Variants in NUP133 observed in about 807,000 individuals in gnomAD.
NUP133 encodes the protein nucleoporin 133, also known as nuclear pore complex protein Nup133.
A neutral mutation model predicts 146.2 loss-of-function variants in NUP133; 66 were observed. The observed-to-expected ratio is 0.45, with a 90% CI of 0.37 to 0.55. The LOEUF (loss-of-function observed/expected upper bound fraction) is 0.55. Among genes scored for constraint, NUP133 ranks in the 20% least tolerant of loss-of-function variants. The probability of loss-of-function intolerance (pLI) is 0.00; values close to 1 mark genes in which losing one functional copy is unlikely to be tolerated. For synonymous variants in NUP133, 521 were observed against 498.8 expected, an observed-to-expected ratio of 1.04 and a Z score of -0.59; for missense variants, 1,277 against 1,374.8, an observed-to-expected ratio of 0.93 and a Z score of 1.12.
In NUP133 at chr1:229,508,329, C is replaced by G. The variant is rs1662002507; in HGVS notation, c.-80G>C. The G allele has an allele frequency of 9.0e-7, 1 of 1,110,476 alleles. No individual in the cohort carries two copies. Among genetic ancestry groups the G allele is most frequent in the South Asian group, 2.1e-5 (1 of 46,600 alleles). The allele number at this position is 1,110,476 out of a possible 1,614,324, so 68.8% of individuals were successfully genotyped here. The stretch of plus-strand genomic sequence containing the variant: ...CTGGCCTGCGCGCGGAACTTAAACA[C>G]CTAAGGGAAGAGATGGCGCGCGATG... On this transcript the variant is annotated 5_prime_UTR_variant, in exon 1 of 26. Transcript: ENST00000261396.
chr1:229,463,248 A>C (rs547116616), intron 19 of NUP133, among the ~76,000 whole-genome samples: 2 of 152,236 alleles, frequency 1.3e-5, no homozygotes, highest in East Asian at 3.9e-4. Context: ...AAAATTAGCC[A>C]GGCATGGTGG....
chr1:229,503,335 A>G (rs567401853), intron 2 of NUP133, among the ~76,000 whole-genome samples: 262 of 152,320 alleles, frequency 1.7e-3, no homozygotes, highest in African/African-American at 6.2e-3. Context: ...TCGATAAAGT[A>G]AAACAAATAA....
chr1:229,505,357 A>G (rs573234438), intron 2 of NUP133, among the ~76,000 whole-genome samples: 2 of 152,194 alleles, frequency 1.3e-5, no homozygotes, highest in South Asian at 4.1e-4. Flanking sequence ...AAAGTTTATC[A>G]TAGGTGTGTA....
chr1:229,475,746 G>T lies in NUP133; in HGVS notation c.1757-14C>A, dbSNP rs762413908. Reference sequence around the variant, plus strand: ...ACCCAGGTGCTTCTGTTAAAACACAGTGATAAAACTTAGAACATAGTGGTT... The same window carrying T: ...ACCCAGGTGCTTCTGTTAAAACACATTGATAAAACTTAGAACATAGTGGTT... On this transcript the variant is annotated splice_polypyrimidine_tract_variant and intron_variant, in intron 13 of 25. Transcript: ENST00000261396. 15 of 1,585,356 alleles carry T rather than the reference G, an allele frequency of 9.5e-6. No homozygotes were observed. Among genetic ancestry groups the T allele is most frequent in the Admixed American group, 1.7e-5 (1 of 59,902 alleles).
chr1:229,452,058 G>A (rs938550500), intron 22 of NUP133, among the ~76,000 whole-genome samples: 2 of 152,214 alleles, frequency 1.3e-5, no homozygotes, highest in East Asian at 3.9e-4. Context: ...CTCTGGCAAA[G>A]AGATGCTTCT....
chr1:229,478,279 C>A (rs559590899), intron 12 of NUP133, among the ~76,000 whole-genome samples: 24 of 151,920 alleles, frequency 1.6e-4, no homozygotes, highest in African/African-American at 5.8e-4. Context: ...TTCATTAATT[C>A]AATAAATACA....
intron 21 of NUP133, among the ~76,000 whole-genome samples, chr1:229,457,786 A>T (rs1386885520): frequency 6.6e-6 from 1 of 152,224 alleles, no homozygotes; most frequent in Non-Finnish European, 1.5e-5. Context: ...TCTACAATAT[A>T]CACAAAATAG....
At chr1:229,478,106 T>A (rs761363812) in intron 12 of NUP133, among the ~76,000 whole-genome samples, 1 of 152,232 alleles carries the variant, frequency 6.6e-6, no homozygotes, top group South Asian at 2.1e-4. Flanking sequence ...AAATATCTCA[T>A]GTACCCCACA....
At position 229,490,015 on chromosome 1, in the gene NUP133, A is replaced by T. The variant is rs748175684; in HGVS notation, c.1134T>A (p.Asn378Lys). 6.2e-7 allele frequency: 1 copy of T among 1,611,956 alleles called. No homozygotes were observed. Among genetic ancestry groups the T allele is most frequent in the South Asian group, 1.1e-5 (1 of 90,766 alleles). The change falls in exon 9 of 26, where the codon AAT becomes AAA. Residue 378 changes from asparagine to lysine, a missense_variant. Asn to Lys is a moderately conservative substitution (Grantham distance 94, BLOSUM62 0). Coordinates refer to ENST00000261396, the MANE Select transcript of NUP133 (RefSeq NM_018230.3). ...IYYSLITIED[N>K]GCQMSDAVTV... ...TAACTGCATCTGACATTTGGCAACCATTATCTTCTATTGTTATCAGAGAGT... is the reference window on the plus strand; with the variant it reads ...TAACTGCATCTGACATTTGGCAACCTTTATCTTCTATTGTTATCAGAGAGT...
intron 1 of NUP133, among the ~76,000 whole-genome samples, chr1:229,506,361 C>CTCTA (rs1416124304): frequency 3.3e-5 from 5 of 150,016 alleles, no homozygotes; most frequent in African/African-American, 1.2e-4. Flanking sequence ...ATCCCATAGA[C>CTCTA]TCTAGTATTG....
chr1:229,481,451 G>A (rs987196313), intron 12 of NUP133, among the ~76,000 whole-genome samples: 1 of 152,172 alleles, frequency 6.6e-6, no homozygotes, highest in Non-Finnish European at 1.5e-5. Flanking sequence ...GCTCACACCT[G>A]TAATCCCAGC....
chr1:229,449,678 G>A (rs1660398188), intron 23 of NUP133, among the ~76,000 whole-genome samples: 1 of 150,552 alleles, frequency 6.6e-6, no homozygotes, highest in African/African-American at 2.4e-5. Context: ...GCCTGAGAGG[G>A]GTAAGATTTT....
intron 15 of NUP133, among the ~76,000 whole-genome samples, chr1:229,469,174 G>C (rs1427032949): frequency 6.6e-6 from 1 of 151,870 alleles, no homozygotes; most frequent in African/African-American, 2.4e-5. Context: ...CAGAGCTCAG[G>C]GAAGAGCTGG....
At chr1:229,452,739 GA>G (rs370430320) in intron 21 of NUP133, 96 bp from the exon 22 acceptor site, 6 of 799,150 alleles carry the variant, frequency 7.5e-6, no homozygotes, top group East Asian at 2.6e-5. Context: ...AATTTTAAAA[GA>G]AAAAAATAGC....
At chr1:229,493,990 G>A (rs1661589681) in intron 8 of NUP133, among the ~76,000 whole-genome samples, 1 of 152,138 alleles carries the variant, frequency 6.6e-6, no homozygotes, top group Admixed American at 6.5e-5. Context: ...AACTAGCCGG[G>A]AGTGGTGGCA....
intron 17 of NUP133, among the ~76,000 whole-genome samples, 176 bp downstream of exon 17, chr1:229,465,244 G>C (rs545836084): frequency 6.6e-6 from 1 of 152,308 alleles, no homozygotes; most frequent in African/African-American, 2.4e-5. Context: ...ATTATAGAGA[G>C]ATCGATAAAT....
chr1:229,501,982 C>T lies in NUP133; in HGVS notation c.405+17G>A. The T allele has an allele frequency of 1.9e-6, 3 of 1,559,756 alleles. No homozygotes were observed. The highest frequency in any genetic ancestry group is 2.7e-6 in the Non-Finnish European group (3 of 1,130,984). ...TCCTCTCCTCTATCTTGTTCCAGCT[C>T]TCTAAAGAGCCATTACCTTAGTAAT... On this transcript the variant is annotated intron_variant, in intron 3 of 25. Coordinates refer to ENST00000261396, the MANE Select transcript of NUP133 (RefSeq NM_018230.3).
chr1:229,446,745 T>A (rs890372787), intron 24 of NUP133, among the ~76,000 whole-genome samples: 4 of 148,720 alleles, frequency 2.7e-5, no homozygotes, highest in Admixed American at 1.3e-4. Flanking sequence ...AAAAAAAAAT[T>A]TTTTTTTAAT....
intron 9 of NUP133, among the ~76,000 whole-genome samples, chr1:229,489,594 C>T (rs1000237986): frequency 9.2e-5 from 14 of 152,208 alleles, no homozygotes; most frequent in African/African-American, 3.1e-4. Context: ...AAATGGGCCA[C>T]GCAAGGTGGC....
Sources: allele counts gnomAD v4.1 joint callset (sites outside exome capture counted in the v4.1 genomes callset), GRCh38; gene constraint gnomAD v4.1.1; transcripts MANE v1.5; gene names NCBI Gene and HGNC (gene_info 2026-07-23, HGNC 2026-07-21).